Variants in PRIMPOL observed in about 807,000 individuals in gnomAD.
PRIMPOL encodes the protein primase and DNA directed polymerase.
PRIMPOL carries 54 observed loss-of-function variants against 63.6 expected under a neutral mutation model. The observed-to-expected ratio is 0.85, with a 90% CI of 0.68 to 1.07. The LOEUF is 1.07. PRIMPOL is among the 50% of genes least tolerant of loss of function. PRIMPOL has a pLI of 0.00. For missense variants in PRIMPOL, 610 were observed against 648.3 expected (o/e 0.94, Z 0.64); for synonymous variants, 197 against 220.2 (o/e 0.89, Z 0.93).
rs1488559078 is a variant in PRIMPOL, at chr4:184,694,527, A to C, written c.1431A>C (p.Glu477Asp). Residue 477 changes from glutamate to aspartate, a missense_variant, in exon 14 of 14, where the codon GAA (glutamate) becomes GAC (aspartate). Glu to Asp is a conservative substitution (Grantham distance 45). Coordinates refer to ENST00000314970, the MANE Select transcript of PRIMPOL (RefSeq NM_152683.4). ...VCLLFLFKEE[E>D]EFTTDEADET... ...CCTTCACCACTGAAATAAAGGAAGA[A>C]GAGTTTACAACAGATGAAGCAGATG... 6.2e-7 allele frequency: 1 copy of C among 1,609,294 alleles called. No homozygotes were observed. Among genetic ancestry groups the C allele is most frequent in the South Asian group, 1.1e-5 (1 of 91,038 alleles).
chr4:184,655,375 G>A (rs1408378377), intron 2 of PRIMPOL, among the ~76,000 whole-genome samples: 1 of 147,848 alleles, frequency 6.8e-6, no homozygotes, highest in East Asian at 2.0e-4. Flanking sequence ...CCAGGCTGGA[G>A]TGCAGTGGTG....
chr4:184,690,191 A>T (rs1758120198), intron 11 of PRIMPOL, among the ~76,000 whole-genome samples: 1 of 152,094 alleles, frequency 6.6e-6, no homozygotes, highest in African/African-American at 2.4e-5. Flanking sequence ...TGATTATAGG[A>T]TTGTTTAGGT....
At chr4:184,659,946 G>A (rs1245631191) in intron 4 of PRIMPOL, among the ~76,000 whole-genome samples, 1 of 151,874 alleles carries the variant, frequency 6.6e-6, no homozygotes, top group African/African-American at 2.4e-5. Flanking sequence ...TCAGGCTCCC[G>A]AGTTGCTGGG....
At chr4:184,665,396 C>T (rs10004250) in intron 5 of PRIMPOL, among the ~76,000 whole-genome samples, 4,644 of 152,036 alleles carry the variant, frequency 0.031, 250 homozygotes, top group African/African-American at 0.11. Context: ...CCTTCATGCC[C>T]AGTGCCTTGT....
intron 6 of PRIMPOL, among the ~76,000 whole-genome samples, chr4:184,667,542 C>T (rs1750390480): frequency 6.6e-6 from 1 of 152,142 alleles, no homozygotes; most frequent in South Asian, 2.1e-4. Flanking sequence ...GATCCCCTGA[C>T]CTTGTGATCT....
intron 5 of PRIMPOL, 35 bp downstream of exon 5, chr4:184,661,938 C>CTATT (rs60624489): frequency 0.99 from 1,573,520 of 1,593,760 alleles, 777,933 homozygotes; most frequent in Non-Finnish European, 1. Context: ...TTATTTCTAT[C>CTATT]CATCTCTTCA....
At chr4:184,655,731 C>A (rs1746236936) in intron 2 of PRIMPOL, among the ~76,000 whole-genome samples, 1 of 152,158 alleles carries the variant, frequency 6.6e-6, no homozygotes, top group Non-Finnish European at 1.5e-5. Context: ...CAATGTTTAT[C>A]AACTCAATAA....
chr4:184,687,187 T>C (rs1043406918), intron 11 of PRIMPOL, among the ~76,000 whole-genome samples: 1 of 151,948 alleles, frequency 6.6e-6, no homozygotes, highest in Admixed American at 6.5e-5. Flanking sequence ...TCTCCTGCCT[T>C]AGCCTCTCAA....
intron 11 of PRIMPOL, among the ~76,000 whole-genome samples, chr4:184,689,141 C>T (rs1320330229): frequency 1.3e-5 from 2 of 152,266 alleles, no homozygotes; most frequent in African/African-American, 4.8e-5. Flanking sequence ...CAGGAGCTCA[C>T]TGCAGCCTTG....
At chr4:184,682,975 A>G (rs1756046871) in intron 9 of PRIMPOL, among the ~76,000 whole-genome samples, 1 of 152,186 alleles carries the variant, frequency 6.6e-6, no homozygotes, top group Non-Finnish European at 1.5e-5. Flanking sequence ...TCTTGAGGCC[A>G]GGAGGTTGAA....
intron 9 of PRIMPOL, among the ~76,000 whole-genome samples, chr4:184,683,719 G>A (rs1443223646): frequency 6.6e-6 from 1 of 151,346 alleles, no homozygotes; most frequent in African/African-American, 2.5e-5. Flanking sequence ...AGAACATAGA[G>A]TGTTTTTTTC....
intron 4 of PRIMPOL, among the ~76,000 whole-genome samples, chr4:184,660,369 C>T (rs564346501): frequency 1.2e-4 from 18 of 151,818 alleles, no homozygotes; most frequent in African/African-American, 4.1e-4. Flanking sequence ...TTAGTAGAGA[C>T]GGGATTTCAT....
At chr4:184,680,896 G>A (rs1387758336) in intron 8 of PRIMPOL, among the ~76,000 whole-genome samples, 1 of 152,122 alleles carries the variant, frequency 6.6e-6, no homozygotes, top group African/African-American at 2.4e-5. Flanking sequence ...TGTAATTCCT[G>A]CCACACCCTA....
At chr4:184,656,732 G>A (rs984051671) in intron 2 of PRIMPOL, among the ~76,000 whole-genome samples, 1 of 152,140 alleles carries the variant, frequency 6.6e-6, no homozygotes, top group Non-Finnish European at 1.5e-5. Flanking sequence ...GATACAAAAA[G>A]CACATATATT....
chr4:184,680,445 C>T (rs1468965659), intron 8 of PRIMPOL, among the ~76,000 whole-genome samples: 1 of 152,206 alleles, frequency 6.6e-6, no homozygotes, highest in Non-Finnish European at 1.5e-5. Context: ...ACCTTGGCCT[C>T]CCAAAGTGCT....
rs767974628 is a variant in PRIMPOL, at chr4:184,678,343, A to G, written c.956A>G (p.Asp319Gly). ...AAATTTTTTCCTATACAGTCAAAAGATGTTTCTGACGAATATCAATATTTT... is the reference window on the plus strand; with the variant it reads ...AAATTTTTTCCTATACAGTCAAAAGGTGTTTCTGACGAATATCAATATTTT... ...DNKFFPIQSKDVSDEYQYFLS... is the reference protein window; with the variant it reads ...DNKFFPIQSKGVSDEYQYFLS... The change falls in exon 8 of 14, where the codon GAT becomes GGT. Residue 319 changes from aspartate (D) to glycine (G), a missense_variant. Around this residue, in one of 3 missense-constraint regions of PRIMPOL, gnomAD observed 444 missense variants for 456.4 expected, o/e 0.97. Coordinates refer to ENST00000314970, the MANE Select transcript of PRIMPOL (RefSeq NM_152683.4). 1.9e-5 allele frequency: 30 copies of G among 1,608,356 alleles called. No homozygotes were observed. The highest frequency in any genetic ancestry group is 6.8e-5 in the Admixed American group (4 of 58,922).
At chr4:184,677,220 C>G (rs1754330301) in intron 7 of PRIMPOL, among the ~76,000 whole-genome samples, 2 of 151,764 alleles carry the variant, frequency 1.3e-5, no homozygotes, top group Non-Finnish European at 2.9e-5. Flanking sequence ...TTGTGGCCTC[C>G]CATAATGCTG....
rs1397138600 is a variant in PRIMPOL at position 184,657,250 on chromosome 4, A to G, written c.110A>G (p.Glu37Gly). 1 of 1,613,964 alleles carries G rather than the reference A, an allele frequency of 6.2e-7. No individual in the cohort carries two copies. Among genetic ancestry groups the G allele is most frequent in the Non-Finnish European group, 8.5e-7 (1 of 1,179,908 alleles). Reference sequence around the variant, plus strand: ...AGACCAAGATTGTCCAAGCCAGAAGAACCACCCTCCATCTGGAGACTATTT... The same window carrying G: ...AGACCAAGATTGTCCAAGCCAGAAGGACCACCCTCCATCTGGAGACTATTT... The part of the protein sequence containing the change: ...VYRPRLSKPE[E>G]PPSIWRLFHR... Residue 37 changes from glutamate to glycine, a missense_variant, in exon 3 of 14, where the codon GAA becomes GGA. By Grantham distance (98) the Glu-to-Gly change is moderately conservative. This residue lies in a region of PRIMPOL where 159 missense variants were observed against 168.9 expected (regional missense o/e 0.94). Transcript: ENST00000314970.
chr4:184,672,391 A>G lies in PRIMPOL; in HGVS notation c.775A>G (p.Ser259Gly). Residue 259 changes from serine to glycine, a missense_variant, in exon 7 of 14, where the codon AGC becomes GGC. By Grantham distance (56) the Ser-to-Gly change is moderately conservative. Transcript: ENST00000314970. ...GGAGAGGCTGGGGTCAGCTGAGCAA[A>G]GCAGTCCTGACCTTTCATTTCTAGT... ...KLERLGSAEQ[S>G]SPDLSFLVVK... 1 of 1,614,130 alleles carries G rather than the reference A, an allele frequency of 6.2e-7. No individual in the cohort carries two copies. The highest frequency in any genetic ancestry group is 1.1e-5 in the South Asian group (1 of 91,070).
Sources: allele counts gnomAD v4.1 joint callset (sites outside exome capture counted in the v4.1 genomes callset), GRCh38; gene constraint gnomAD v4.1.1; regional missense constraint gnomAD v4.1.1; transcripts MANE v1.5; gene names NCBI Gene and HGNC (gene_info 2026-07-23, HGNC 2026-07-21).